SNAPC3: variants seen among roughly 807,000 people sequenced by gnomAD.
SNAPC3 encodes the protein snRNA-activating protein complex subunit 3.
In SNAPC3, 56 loss-of-function variants were observed where a neutral mutation model predicts 47.7. That is an observed-to-expected ratio of 1.18 (90% CI 0.95 to 1.47). The LOEUF is 1.47. SNAPC3 is among the 40% of genes most tolerant of loss of function. SNAPC3 has a pLI of 0.00. For missense variants in SNAPC3, 665 were observed against 511.3 expected, an observed-to-expected ratio of 1.30 and a Z score of -2.90; for synonymous variants, 235 against 189.9, an observed-to-expected ratio of 1.24 and a Z score of -1.95.
At chr9:15,442,732 A>G (rs996129065) in intron 3 of SNAPC3, among the ~76,000 whole-genome samples, 16 of 151,158 alleles carry the variant, frequency 1.1e-4, no homozygotes, top group South Asian at 2.1e-4. Flanking sequence ...GACGATGGGC[A>G]GCCAGGCAGA....
chr9:15,461,652 A>G (rs534652849), downstream of SNAPC3: 6 of 152,360 alleles, frequency 3.9e-5, no homozygotes, highest in South Asian at 4.1e-4. Flanking sequence ...ATTTGACTGA[A>G]TATCTGGATG....
At chr9:15,429,639 A>C (rs1465546102) in intron 2 of SNAPC3, among the ~76,000 whole-genome samples, 1 of 152,216 alleles carries the variant, frequency 6.6e-6, no homozygotes, top group African/African-American at 2.4e-5. Context: ...GTAGAACAAT[A>C]ATAGAAATAT....
chr9:15,453,102 A>C lies in SNAPC3; in HGVS notation c.877A>C (p.Met293Leu). The change falls in exon 7 of 9, where the codon ATG becomes CTG. Residue 293 changes from methionine (M) to leucine (L), a missense_variant. By Grantham distance (15) the Met-to-Leu change is conservative. Coordinates refer to ENST00000380821, the MANE Select transcript of SNAPC3 (RefSeq NM_001039697.2). ...CTATGGAAAGTTTCAGACTGCTAGA[A>C]TGGAAGATTTCACCTTCAATGACTT... ...RGYGKFQTAR[M>L]EDFTFNDLCI... 1.2e-6 allele frequency: 2 copies of C among 1,613,274 alleles called. No individual in the cohort carries two copies. Among genetic ancestry groups the C allele is most frequent in the Non-Finnish European group, 1.7e-6 (2 of 1,179,216 alleles).
At chr9:15,466,557 A>G (rs2035640125), downstream of SNAPC3, among the ~76,000 whole-genome samples, 1 of 152,214 alleles carries the variant, frequency 6.6e-6, no homozygotes, top group Non-Finnish European at 1.5e-5. Flanking sequence ...CCTTGAATTC[A>G]GTGGCAAAGT....
downstream of SNAPC3, chr9:15,461,717 A>G (rs1196630071): frequency 1.3e-5 from 2 of 152,186 alleles, no homozygotes; most frequent in African/African-American, 2.4e-5. Flanking sequence ...CTATAAGCCT[A>G]TGTGTTTGAC....
chr9:15,451,397 G>T lies in SNAPC3; in HGVS notation c.810G>T (p.Leu270Phe). Residue 270 changes from leucine to phenylalanine, a missense_variant, in exon 6 of 9, where the codon TTG (leucine) becomes TTT (phenylalanine). Leu to Phe is a conservative substitution (Grantham distance 22). Coordinates refer to ENST00000380821, the MANE Select transcript of SNAPC3 (RefSeq NM_001039697.2). ...NDKRYPECRD[L>F]SRTIIEWSES... The stretch of plus-strand genomic sequence containing the variant: ...AAAGATACCCAGAATGCAGAGATTT[G>T]AGCAGGTATAGTTTCCAAAAATCTT... 6.6e-7 allele frequency: 1 copy of T among 1,505,448 alleles called. No homozygotes were observed. 93.3% of individuals were successfully genotyped at this position (1,505,448 alleles called of 1,614,324 possible). A position where few individuals can be genotyped will look rare whatever the true frequency, so the allele number is the denominator to read the frequency against.
chr9:15,452,636 T>C (rs192146323), intron 6 of SNAPC3, among the ~76,000 whole-genome samples: 13 of 152,348 alleles, frequency 8.5e-5, no homozygotes, highest in Admixed American at 5.9e-4. Flanking sequence ...CTTTATACTA[T>C]AAATAATTGA....
chr9:15,426,574 A>C (rs10738393), intron 2 of SNAPC3, among the ~76,000 whole-genome samples: 106,737 of 152,082 alleles, frequency 0.7, 39,810 homozygotes, highest in Admixed American at 0.83. Flanking sequence ...AAGACTCAGG[A>C]AGTGATTTTT....
At chr9:15,457,874 T>A (rs1369721038) in intron 7 of SNAPC3, 86 bp from the exon 8 acceptor site, 1 of 762,130 alleles carries the variant, frequency 1.3e-6, no homozygotes, top group African/African-American at 1.9e-5. Flanking sequence ...TTCCTAATAC[T>A]CAGGCACAGA....
At position 15,440,226 on chromosome 9, in the gene SNAPC3, A is replaced by G. The variant is rs866321968; in HGVS notation, c.478-4376A>G. 2.0e-4 allele frequency among the ~76,000 whole-genome samples: 30 copies of G among 152,240 alleles called. 1 individual carries two copies. The highest frequency in any genetic ancestry group is 6.5e-4 in the Admixed American group (10 of 15,276). On this transcript the variant is annotated intron_variant, in intron 3 of 8. Coordinates refer to ENST00000380821, the MANE Select transcript of SNAPC3 (RefSeq NM_001039697.2). ...GAGTGAGTTACAAACCAAAAGTACA[A>G]TAATACTGGCTTCTATATTTACCTG...
intron 7 of SNAPC3, chr9:15,453,630 G>C (rs1043180600): frequency 6.5e-6 from 1 of 153,400 alleles, no homozygotes; most frequent in Non-Finnish European, 1.5e-5. Flanking sequence ...CAAATGTGAA[G>C]TCTTAATGCT....
At chr9:15,446,969 C>T in intron 4 of SNAPC3, 126 bp from the exon 5 acceptor site, 1 of 805,626 alleles carries the variant, frequency 1.2e-6, no homozygotes, top group South Asian at 1.6e-5. Flanking sequence ...AAATACAGAG[C>T]ATCAAGTTAT....
rs1379631359 is a variant in SNAPC3 at position 15,461,535 on chromosome 9, G to A, written c.*1669G>A. ...CAAATATTTTCTGGGAACCTTTATG[G>A]GTAGAACATTTAATACTGTTTAGAA... On this transcript the variant is annotated 3_prime_UTR_variant, in exon 9 of 9. Transcript: ENST00000380821. 1 of 152,028 alleles carries A rather than the reference G, an allele frequency of 6.6e-6. No homozygotes were observed. Among genetic ancestry groups the A allele is most frequent in the Admixed American group, 6.6e-5 (1 of 15,266 alleles). 9.4% of individuals were successfully genotyped at this position (152,028 alleles called of 1,614,324 possible). A position where few individuals can be genotyped will look rare whatever the true frequency, so the allele number is the denominator to read the frequency against.
At chr9:15,427,335 C>CTTAT (rs1042657985) in intron 2 of SNAPC3, among the ~76,000 whole-genome samples, 14 of 152,100 alleles carry the variant, frequency 9.2e-5, no homozygotes, top group Admixed American at 7.9e-4. Context: ...AGCAACATCA[C>CTTAT]TTATTTATTT....
Position 15,447,217 on chromosome 9 carries a change from T to C in SNAPC3, c.705T>C (p.Pro235=). 1 of 1,614,130 alleles carries C rather than the reference T, an allele frequency of 6.2e-7. No individual in the cohort carries two copies. The highest frequency in any genetic ancestry group is 8.5e-7 in the Non-Finnish European group (1 of 1,179,970). Residue 235 remains proline (P), a synonymous_variant, in exon 5 of 9, where the codon CCT becomes CCC. Coordinates refer to ENST00000380821, the MANE Select transcript of SNAPC3 (RefSeq NM_001039697.2). The part of the protein sequence containing the change: ...LQIGGEFSNT[P]DQAPEHISKD... The stretch of plus-strand genomic sequence containing the variant: ...TTGGTGGTGAATTCAGCAACACTCC[T>C]GACCAAGCCCCTGAGCACATCAGCA...
chr9:15,453,260 T>G, intron 7 of SNAPC3, 55 bp downstream of exon 7: 1 of 1,370,582 alleles, frequency 7.3e-7, no homozygotes, highest in Non-Finnish European at 1.0e-6. Flanking sequence ...TATTTCAGAG[T>G]ACAAAACCAG....
intron 7 of SNAPC3, 79 bp downstream of exon 7, chr9:15,453,284 A>C (rs1482237607): frequency 1.7e-6 from 2 of 1,180,950 alleles, no homozygotes; most frequent in Non-Finnish European, 2.4e-6. Flanking sequence ...TAGTTTTTTT[A>C]AAAATAAGAG....
At position 15,442,308 on chromosome 9, in the gene SNAPC3, C is replaced by T. The variant is rs1249234149; in HGVS notation, c.478-2294C>T. ...CCGGGCGGGGGCTGCCCCCCACCTCCCTCCCGGACAGGGAGGCTGGCTGGA... is the reference window on the plus strand; with the variant it reads ...CCGGGCGGGGGCTGCCCCCCACCTCTCTCCCGGACAGGGAGGCTGGCTGGA... On this transcript the variant is annotated intron_variant, in intron 3 of 8. Transcript: ENST00000380821. Among the ~76,000 whole-genome samples the T allele has an allele frequency of 2.4e-4, 36 of 150,938 alleles. 1 individual carries two copies. The highest frequency in any genetic ancestry group is 1.9e-3 in the Admixed American group (29 of 15,200).
chr9:15,445,935 C>T (rs2033894950), intron 4 of SNAPC3, among the ~76,000 whole-genome samples: 1 of 152,138 alleles, frequency 6.6e-6, no homozygotes, highest in Admixed American at 6.5e-5. Flanking sequence ...GACTGTCCCT[C>T]ACCGCCACCC....
Sources: gnomAD v4.1 joint callset for allele counts (sites outside exome capture counted in the v4.1 genomes callset) on GRCh38, gnomAD v4.1.1 for gene constraint, MANE v1.5 for transcripts, NCBI Gene and HGNC (gene_info 2026-07-23, HGNC 2026-07-21) for gene names.